Variants in APBB1IP observed in about 807,000 individuals in gnomAD.
APBB1IP encodes amyloid beta precursor protein binding family B member 1 interacting protein.
In APBB1IP, 27 loss-of-function variants were observed where a neutral mutation model predicts 64.9. That is an observed-to-expected ratio of 0.42 (90% CI 0.31 to 0.57). APBB1IP has a LOEUF of 0.57. Ranked by LOEUF, APBB1IP falls within the 20% of genes least tolerant of loss-of-function variation. The pLI, the probability that APBB1IP is intolerant of heterozygous loss-of-function variation, is 0.20. For synonymous variants in APBB1IP, 392 were observed against 331.0 expected, an observed-to-expected ratio of 1.18 and a Z score of -2.00; for missense variants, 812 against 845.5, an observed-to-expected ratio of 0.96 and a Z score of 0.49.
At chr10:26,513,511 G>C (rs1836286859) in intron 7 of APBB1IP, 28 bp from the exon 8 acceptor site, 1 of 1,610,470 alleles carries the variant, frequency 6.2e-7, no homozygotes, top group Non-Finnish European at 8.5e-7. Flanking sequence ...TCTTGGGTCT[G>C]AAAGAATACC....
chr10:26,451,332 T>C (rs1350093117), intron 2 of APBB1IP, among the ~76,000 whole-genome samples: 3 of 152,148 alleles, frequency 2.0e-5, no homozygotes, highest in Admixed American at 1.3e-4. Context: ...CGGGTAATCC[T>C]CTCGCCTCAG....
At chr10:26,528,539 G>T (rs1199924775) in intron 8 of APBB1IP, among the ~76,000 whole-genome samples, 2 of 151,924 alleles carry the variant, frequency 1.3e-5, no homozygotes, top group East Asian at 3.9e-4. Context: ...TTGAATTTTT[G>T]TAGTCTCTTA....
intron 10 of APBB1IP, among the ~76,000 whole-genome samples, chr10:26,540,090 A>G (rs756172894): frequency 2.0e-5 from 3 of 152,238 alleles, no homozygotes; most frequent in Admixed American, 6.5e-5. Context: ...TGACGAATCT[A>G]TCTCACAAAA....
chr10:26,560,713 T>G lies in APBB1IP; in HGVS notation c.1255-17T>G. On this transcript the variant is annotated splice_polypyrimidine_tract_variant and intron_variant, in intron 12 of 14. Transcript: ENST00000376236. ...TACATGGATTCCTTTCCTTCTTCCT[T>G]TGTGTTCTCTCCCCAGTATGGGAAG... 2 of 1,549,938 alleles carry G rather than the reference T, an allele frequency of 1.3e-6. No homozygotes were observed. Among genetic ancestry groups the G allele is most frequent in the Non-Finnish European group, 1.7e-6 (2 of 1,142,910 alleles).
At chr10:26,550,123 C>T (rs1293113371) in intron 11 of APBB1IP, among the ~76,000 whole-genome samples, 1 of 151,864 alleles carries the variant, frequency 6.6e-6, no homozygotes. Context: ...TGCTGCCAGG[C>T]ATATTAGAAT....
At chr10:26,444,371 C>T (rs1001694019) in intron 2 of APBB1IP, among the ~76,000 whole-genome samples, 8 of 152,042 alleles carry the variant, frequency 5.3e-5, no homozygotes, top group Admixed American at 4.6e-4. Flanking sequence ...TCTGAGAAGG[C>T]GAATAACATG....
intron 4 of APBB1IP, among the ~76,000 whole-genome samples, chr10:26,497,721 ATTTTTTTTT>A (rs895511347): frequency 2.0e-5 from 2 of 100,336 alleles, no homozygotes; most frequent in Non-Finnish European, 3.8e-5. Flanking sequence ...TGTCCTCTGG[ATTTTTTTTT>A]TTTTTTTTTT....
intron 11 of APBB1IP, among the ~76,000 whole-genome samples, chr10:26,553,385 C>G (rs1207577197): frequency 6.6e-6 from 1 of 152,088 alleles, no homozygotes; most frequent in Non-Finnish European, 1.5e-5. Context: ...GGCACAGTGG[C>G]CTACACCTGT....
rs753169068 is a variant in APBB1IP at position 26,501,032 on chromosome 10, A to T, written c.374A>T (p.Glu125Val). Reference protein sequence around the residue: ...NVAATGISQYEDDLPPPPADP... With the variant: ...NVAATGISQYVDDLPPPPADP... ...GCTGCCACTGGTATCAGCCAATATGAGGATGACTTACCACCTCCACCAGCC... is the reference window on the plus strand; with the variant it reads ...GCTGCCACTGGTATCAGCCAATATGTGGATGACTTACCACCTCCACCAGCC... Residue 125 changes from glutamate (E) to valine (V), a missense_variant, in exon 5 of 15, where the codon GAG (glutamate) becomes GTG (valine). By Grantham distance (121) the Glu-to-Val change is moderately radical. Around this residue, in one of 3 missense-constraint regions of APBB1IP, gnomAD observed 394 missense variants for 413.1 expected, o/e 0.95. Coordinates refer to ENST00000376236, the MANE Select transcript of APBB1IP (RefSeq NM_019043.4). 4.3e-6 allele frequency: 7 copies of T among 1,614,192 alleles called. No individual in the cohort carries two copies. In the South Asian group the frequency reaches 7.7e-5, roughly 18 times the overall value.
In APBB1IP at chr10:26,503,968, C is replaced by T. The variant is rs150422407; in HGVS notation, c.531+694C>T. Among the ~76,000 whole-genome samples, 1,070 of 152,264 alleles carry T rather than the reference C, an allele frequency of 7.0e-3. 9 individuals carry two copies. Among genetic ancestry groups the T allele is most frequent in the Middle Eastern group, 0.034 (10 of 294 alleles). ...GGGCCCTTTCAGCTCTATCTTAAGA[C>T]ATTTTAAAACAAGTTTGCACATCCA... On this transcript the variant is annotated intron_variant, in intron 6 of 14. Coordinates refer to ENST00000376236, the MANE Select transcript of APBB1IP (RefSeq NM_019043.4).
chr10:26,499,682 C>A (rs976757866), intron 4 of APBB1IP, among the ~76,000 whole-genome samples: 12 of 152,206 alleles, frequency 7.9e-5, no homozygotes, highest in Non-Finnish European at 1.8e-4. Flanking sequence ...CCCAACTACA[C>A]CACATGATCT....
rs1174488810 is a variant in APBB1IP at position 26,513,436 on chromosome 10, C to T, written c.692-103C>T. Reference sequence around the variant, plus strand: ...GAGAATTATTAATAAGAATCCCAGGCACCTGATGAAAGTCATGAAGCATTA... The same window carrying T: ...GAGAATTATTAATAAGAATCCCAGGTACCTGATGAAAGTCATGAAGCATTA... On this transcript the variant is annotated intron_variant, in intron 7 of 14. Transcript: ENST00000376236. The T allele has an allele frequency of 4.7e-6, 6 of 1,272,318 alleles. No individual in the cohort carries two copies. In the East Asian group the frequency reaches 1.2e-4, roughly 25 times the overall value. 78.8% of individuals were successfully genotyped at this position (1,272,318 alleles called of 1,614,324 possible).
At chr10:26,489,028 C>T (rs1835925311) in intron 2 of APBB1IP, among the ~76,000 whole-genome samples, 1 of 152,210 alleles carries the variant, frequency 6.6e-6, no homozygotes, top group African/African-American at 2.4e-5. Flanking sequence ...TTCTTGTACC[C>T]TCTCAATGCC....
Position 26,447,343 on chromosome 10 carries a change from C to G in APBB1IP, c.-1+8490C>G, listed in dbSNP as rs1822464321. On this transcript the variant is annotated intron_variant, in intron 2 of 14. Coordinates refer to ENST00000376236, the MANE Select transcript of APBB1IP (RefSeq NM_019043.4). ...TGAGCCGAGATCGCGCCACTGCACT[C>G]CAGCCTGGGTGACAGAGTGAGACTC... 3.6e-5 allele frequency among the ~76,000 whole-genome samples: 5 copies of G among 137,414 alleles called. No individual in the cohort carries two copies. In the Admixed American group the frequency reaches 3.8e-4, roughly 10 times the overall value. 90.1% of individuals were successfully genotyped at this position (137,414 alleles called of 152,430 possible). A position where few individuals can be genotyped will look rare whatever the true frequency, so the allele number is the denominator to read the frequency against.
intron 2 of APBB1IP, among the ~76,000 whole-genome samples, chr10:26,475,991 G>T (rs2132418666): frequency 6.6e-6 from 1 of 152,140 alleles, no homozygotes; most frequent in South Asian, 2.1e-4. Flanking sequence ...ACTTTGGGAG[G>T]CCAAGGCCAG....
At chr10:26,483,642 G>A (rs900279228) in intron 2 of APBB1IP, among the ~76,000 whole-genome samples, 1 of 152,292 alleles carries the variant, frequency 6.6e-6, no homozygotes, top group Non-Finnish European at 1.5e-5. Context: ...TAACCTTCCT[G>A]AACTTCATTG....
At chr10:26,502,755 A>G (rs1836122319) in intron 5 of APBB1IP, among the ~76,000 whole-genome samples, 1 of 152,220 alleles carries the variant, frequency 6.6e-6, no homozygotes. Flanking sequence ...AAAAGTATGC[A>G]TATAATTTCA....
At chr10:26,511,491 C>T (rs1836259327) in intron 6 of APBB1IP, among the ~76,000 whole-genome samples, 1 of 152,138 alleles carries the variant, frequency 6.6e-6, no homozygotes, top group African/African-American at 2.4e-5. Flanking sequence ...TCTCTCCCAC[C>T]AGACTGCCTG....
At chr10:26,512,354 G>A (rs942756972) in intron 7 of APBB1IP, among the ~76,000 whole-genome samples, 8 of 152,254 alleles carry the variant, frequency 5.3e-5, no homozygotes, top group Non-Finnish European at 1.0e-4. Context: ...AATAAGCTGA[G>A]CAGGTGGCAG....
Sources: gnomAD v4.1 joint callset for allele counts (sites outside exome capture counted in the v4.1 genomes callset) on GRCh38, gnomAD v4.1.1 for gene constraint, gnomAD v4.1.1 regional missense constraint, MANE v1.5 for transcripts, NCBI Gene and HGNC (gene_info 2026-07-23, HGNC 2026-07-21) for gene names.